Variants in LAMB1 observed in about 807,000 individuals in gnomAD.
LAMB1 encodes the protein laminin subunit beta-1.
A neutral mutation model predicts 222.3 loss-of-function variants in LAMB1; 121 were observed. That is an observed-to-expected ratio of 0.54 (90% CI 0.47 to 0.63). The LOEUF (loss-of-function observed/expected upper bound fraction) is 0.63, where lower values mean the gene tolerates loss of function less well. LAMB1 is among the 30% of genes least tolerant of loss of function. The pLI is 0.00. For synonymous variants in LAMB1, 794 were observed against 807.2 expected (o/e 0.98, Z 0.28); for missense variants, 2,172 against 2,240.8 (o/e 0.97, Z 0.62).
chr7:107,961,250 A>T lies in LAMB1; in HGVS notation c.2065T>A (p.Ser689Thr). 2 of 1,614,134 alleles carry T rather than the reference A, an allele frequency of 1.2e-6. No homozygotes were observed. The highest frequency in any genetic ancestry group is 4.5e-5 in the East Asian group (2 of 44,866). Residue 689 changes from serine to threonine, a missense_variant, in exon 17 of 34, where the codon TCC (serine) becomes ACC (threonine). Transcript: ENST00000222399. ...GGGCTCTCCACGTCGCTATCAGAGGAGGTGTACTGAGGCAGCTCCAACCTC... is the reference window on the plus strand; with the variant it reads ...GGGCTCTCCACGTCGCTATCAGAGGTGGTGTACTGAGGCAGCTCCAACCTC... ...TVRLELPQYT[S>T]SDSDVESPYT...
At chr7:107,989,935 C>A (rs144064705) in intron 5 of LAMB1, among the ~76,000 whole-genome samples, 72 of 152,318 alleles carry the variant, frequency 4.7e-4, no homozygotes, top group African/African-American at 1.5e-3. Context: ...CCTTTCCATA[C>A]TCTCTGCTTA....
chr7:107,983,577 G>T (rs2034015228), intron 7 of LAMB1, among the ~76,000 whole-genome samples: 1 of 114,170 alleles, frequency 8.8e-6, no homozygotes, highest in Non-Finnish European at 1.7e-5. Flanking sequence ...TTTTGAGACA[G>T]AGTCTTGCTC....
chr7:107,935,362 T>TTG, intron 27 of LAMB1, 53 bp downstream of exon 27: 1 of 1,002,944 alleles, frequency 1.0e-6, no homozygotes, highest in East Asian at 3.8e-5. Context: ...TTTTTTTTTT[T>TTG]TTTTTTTTTT....
At chr7:107,952,487 C>T (rs1232865833) in intron 22 of LAMB1, among the ~76,000 whole-genome samples, 1 of 152,154 alleles carries the variant, frequency 6.6e-6, no homozygotes, top group Non-Finnish European at 1.5e-5. Flanking sequence ...ACAGATTTGA[C>T]AAGATGCTGG....
intron 2 of LAMB1, 112 bp from the exon 3 acceptor site, chr7:108,001,845 G>C: frequency 1.3e-6 from 2 of 1,518,248 alleles, no homozygotes; most frequent in Non-Finnish European, 1.8e-6. Flanking sequence ...CAGTCCATTC[G>C]GAAGAAAGCA....
intron 12 of LAMB1, among the ~76,000 whole-genome samples, chr7:107,974,073 G>C (rs919634073): frequency 6.6e-6 from 1 of 152,168 alleles, no homozygotes; most frequent in Non-Finnish European, 1.5e-5. Flanking sequence ...CATCACACCT[G>C]ACCAGGCTCA....
At chr7:107,972,938 G>T in intron 13 of LAMB1, 54 bp downstream of exon 13, 1 of 1,388,536 alleles carries the variant, frequency 7.2e-7, no homozygotes, top group Non-Finnish European at 1.0e-6. Context: ...ATTCCTGTAA[G>T]TCATGACTTT....
chr7:107,924,099 T>TAG lies in LAMB1; in HGVS notation c.5225-13_5225-12insCT. On this transcript the variant is annotated splice_polypyrimidine_tract_variant and intron_variant, in intron 33 of 33. Transcript: ENST00000222399. The stretch of plus-strand genomic sequence containing the variant: ...TTTTCTTTCTAAATCTGTGGGGAGA[T>TAG]ATATATATATAAAGTCTGAGCAATT... The TAG allele has an allele frequency of 2.7e-6, 4 of 1,464,380 alleles. No homozygotes were observed. The East Asian group carries it at 9.4e-5, about 34-fold the overall frequency. 90.7% of individuals were successfully genotyped at this position (1,464,380 alleles called of 1,614,324 possible).
chr7:107,998,609 T>C (rs1436931381), intron 3 of LAMB1, 117 bp from the exon 4 acceptor site: 1 of 812,044 alleles, frequency 1.2e-6, no homozygotes, highest in Non-Finnish European at 1.9e-6. Context: ...TCAAGAAAAA[T>C]AATTGTGTGA....
At chr7:107,993,998 CAGTG>C (rs2034234852) in intron 5 of LAMB1, among the ~76,000 whole-genome samples, 1 of 152,216 alleles carries the variant, frequency 6.6e-6, no homozygotes, top group African/African-American at 2.4e-5. Flanking sequence ...GTGGCAGAGA[CAGTG>C]AGACTTTCAT....
rs540787031 is a variant in LAMB1, at chr7:107,953,864, C to T, written c.2855-110G>A. The stretch of plus-strand genomic sequence containing the variant: ...GCTGATCGTGGCGGTGCTTCATCTT[C>T]ACTGCACTGTTTAAAGAGCCCAGGG... On this transcript the variant is annotated intron_variant, in intron 21 of 33. Transcript: ENST00000222399. 2.4e-5 allele frequency: 21 copies of T among 875,068 alleles called. No homozygotes were observed. The Middle Eastern group carries it at 7.0e-4, about 29-fold the overall frequency. The allele number at this position is 875,068 out of a possible 1,614,324, so 54.2% of individuals were successfully genotyped here.
chr7:107,951,441 T>A (rs2033248400), intron 23 of LAMB1, 119 bp from the exon 24 acceptor site: 2 of 841,078 alleles, frequency 2.4e-6, no homozygotes, highest in Admixed American at 2.5e-5. Flanking sequence ...AAGGTCTCCA[T>A]TGACTAGGAA....
intron 24 of LAMB1, 172 bp from the exon 25 acceptor site, chr7:107,940,530 A>AC: frequency 1.6e-6 from 1 of 632,346 alleles, no homozygotes; most frequent in East Asian, 2.8e-5. Context: ...CACATGCGTG[A>AC]CTTCAGTGGT....
chr7:107,966,473 T>G (rs2033639661), intron 13 of LAMB1, among the ~76,000 whole-genome samples: 1 of 152,134 alleles, frequency 6.6e-6, no homozygotes, highest in Non-Finnish European at 1.5e-5. Flanking sequence ...TCTCCCAAAG[T>G]GCTGGGATTA....
chr7:107,964,462 G>T, intron 14 of LAMB1, 90 bp downstream of exon 14: 1 of 1,465,194 alleles, frequency 6.8e-7, no homozygotes, highest in Non-Finnish European at 9.4e-7. Context: ...CTATAAAAAT[G>T]CTTCTGAAAT....
At position 107,986,283 on chromosome 7, in the gene LAMB1, A is replaced by G; in HGVS notation, c.504T>C (p.Tyr168=). 2 of 1,614,138 alleles carry G rather than the reference A, an allele frequency of 1.2e-6. No homozygotes were observed. The highest frequency in any genetic ancestry group is 1.7e-6 in the Non-Finnish European group (2 of 1,179,972). The change falls in exon 6 of 34, where the codon TAT becomes TAC. Residue 168 remains tyrosine, a synonymous_variant. Coordinates refer to ENST00000222399, the MANE Select transcript of LAMB1 (RefSeq NM_002291.3). ...KTWGVYRYFA[Y]DCEASFPGIS... is the part of the protein sequence containing the mutation. ...TGCCTGGAAACGAGGCCTCACAGTCATAGGCGAAGTATCTATACACACCCC... is the reference window on the plus strand; with the variant it reads ...TGCCTGGAAACGAGGCCTCACAGTCGTAGGCGAAGTATCTATACACACCCC...
intron 14 of LAMB1, 117 bp downstream of exon 14, chr7:107,964,435 T>G: frequency 8.4e-7 from 1 of 1,185,862 alleles, no homozygotes; most frequent in Non-Finnish European, 1.2e-6. Flanking sequence ...ATCCTTATTT[T>G]GTGCTCACTG....
chr7:107,941,862 A>G (rs2032991308), intron 24 of LAMB1, among the ~76,000 whole-genome samples: 3 of 92,998 alleles, frequency 3.2e-5, no homozygotes, highest in Admixed American at 1.7e-4. Context: ...TTTTTTTAAG[A>G]GACGGTGTTT....
chr7:107,972,909 A>C, intron 13 of LAMB1, 83 bp downstream of exon 13: 1 of 1,094,724 alleles, frequency 9.1e-7, no homozygotes, highest in Non-Finnish European at 1.4e-6. Flanking sequence ...TCTTTTTGAG[A>C]AACAACTGAA....
Sources: gnomAD v4.1 joint callset for allele counts (sites outside exome capture counted in the v4.1 genomes callset) on GRCh38, gnomAD v4.1.1 for gene constraint, MANE v1.5 for transcripts, NCBI Gene and HGNC (gene_info 2026-07-23, HGNC 2026-07-21) for gene names.